The following CHST8 variants were observed in gnomAD, a reference collection of about 807,000 sequenced individuals.
The protein encoded by CHST8 is carbohydrate sulfotransferase 8.
CHST8 carries 10 observed loss-of-function variants against 15.0 expected under a neutral mutation model. The ratio of observed to expected loss-of-function variants is 0.67; its 90% CI spans 0.41 to 1.13. CHST8 has a LOEUF of 1.13. Ranked by LOEUF, CHST8 falls within the 50% of genes most tolerant of loss-of-function variation. The pLI is 0.00. For missense variants in CHST8, 634 were observed against 608.2 expected (o/e 1.04, Z -0.45); for synonymous variants, 259 against 256.6 (o/e 1.01, Z -0.09).
chr19:33,753,575 AT>A (rs1974470096), intron 3 of CHST8, among the ~76,000 whole-genome samples: 1 of 20,866 alleles, frequency 4.8e-5, no homozygotes, highest in Non-Finnish European at 9.2e-5. Flanking sequence ...ACCTCACACC[AT>A]CCCCCCTCCA....
chr19:33,755,864 A>C (rs923582564), intron 3 of CHST8, among the ~76,000 whole-genome samples: 1 of 152,230 alleles, frequency 6.6e-6, no homozygotes, highest in Admixed American at 6.5e-5. Context: ...ACATGGGAGC[A>C]CATTCCGTTT....
chr19:33,708,761 A>G (rs1165410108), intron 3 of CHST8, among the ~76,000 whole-genome samples: 1 of 152,226 alleles, frequency 6.6e-6, no homozygotes, highest in African/African-American at 2.4e-5. Flanking sequence ...TCTGCCAAAA[A>G]GAACAACACC....
At chr19:33,633,583 T>TC (rs1555709831) in intron 1 of CHST8, among the ~76,000 whole-genome samples, 2 of 150,964 alleles carry the variant, frequency 1.3e-5, no homozygotes, top group African/African-American at 2.4e-5. Flanking sequence ...TTTGTAGAGA[T>TC]GGGGGGGTCT....
chr19:33,720,256 C>T (rs1028166073), intron 3 of CHST8, among the ~76,000 whole-genome samples: 1 of 151,758 alleles, frequency 6.6e-6, no homozygotes, highest in Non-Finnish European at 1.5e-5. Context: ...ACACGCCACA[C>T]ATACACCACA....
intron 3 of CHST8, among the ~76,000 whole-genome samples, chr19:33,754,943 G>C (rs1974516387): frequency 6.6e-6 from 1 of 152,196 alleles, no homozygotes; most frequent in South Asian, 2.1e-4. Flanking sequence ...TGCCGGCTCA[G>C]GGGCACCTGT....
At chr19:33,697,299 A>C (rs929224427) in intron 3 of CHST8, among the ~76,000 whole-genome samples, 3 of 152,072 alleles carry the variant, frequency 2.0e-5, no homozygotes, top group Admixed American at 6.6e-5. Context: ...GTGTGATCTC[A>C]GGTCACTGCA....
chr19:33,675,456 G>A (rs568750549), intron 2 of CHST8, among the ~76,000 whole-genome samples: 1 of 152,366 alleles, frequency 6.6e-6, no homozygotes, highest in Non-Finnish European at 1.5e-5. Flanking sequence ...CAGTGACACT[G>A]TAGAGCCTCG....
chr19:33,726,262 C>T (rs185838524), intron 3 of CHST8, among the ~76,000 whole-genome samples: 203 of 152,282 alleles, frequency 1.3e-3, no homozygotes, highest in African/African-American at 4.8e-3. Context: ...GTATTGATGT[C>T]TTTAAAGGTG....
chr19:33,738,411 T>C lies in CHST8; in HGVS notation c.131-33002T>C, dbSNP rs1330946379. ...CAAAACACCACAAACCAGTAGGCCCTGGGCAGAGAGGTATTAATTAAGCAC... is the reference window on the plus strand; with the variant it reads ...CAAAACACCACAAACCAGTAGGCCCCGGGCAGAGAGGTATTAATTAAGCAC... On this transcript the variant is annotated intron_variant, in intron 3 of 4. Coordinates refer to ENST00000650847, the MANE Select transcript of CHST8 (RefSeq NM_001127895.2). 3.9e-5 allele frequency among the ~76,000 whole-genome samples: 6 copies of C among 152,312 alleles called. No individual in the cohort carries two copies. In the East Asian group the frequency reaches 9.6e-4, roughly 24 times the overall value.
intron 3 of CHST8, among the ~76,000 whole-genome samples, chr19:33,717,069 GT>G (rs1973677954): frequency 6.6e-6 from 1 of 152,140 alleles, no homozygotes; most frequent in Admixed American, 6.5e-5. Flanking sequence ...TCGAATGCCA[GT>G]GGGGCCTCAA....
intron 3 of CHST8, among the ~76,000 whole-genome samples, chr19:33,764,169 C>T (rs1974787758): frequency 6.6e-6 from 1 of 152,234 alleles, no homozygotes. Flanking sequence ...CAGAAAGCAC[C>T]AGCCTTTCCA....
intron 2 of CHST8, among the ~76,000 whole-genome samples, chr19:33,671,119 CG>C (rs1442270937): frequency 1.3e-5 from 2 of 151,968 alleles, no homozygotes; most frequent in East Asian, 3.9e-4. Context: ...CAACAAGCAG[CG>C]GGGGCCCAGC....
chr19:33,638,612 A>G (rs756377816), intron 1 of CHST8, among the ~76,000 whole-genome samples: 4 of 152,182 alleles, frequency 2.6e-5, no homozygotes, highest in Non-Finnish European at 5.9e-5. Flanking sequence ...TGAAAAGCCA[A>G]TTGGTGATAT....
chr19:33,769,610 G>T (rs1425866385), intron 3 of CHST8, among the ~76,000 whole-genome samples: 1 of 152,052 alleles, frequency 6.6e-6, no homozygotes, highest in Non-Finnish European at 1.5e-5. Flanking sequence ...AGAGGAGGGG[G>T]TGGCTGTCAA....
At chr19:33,742,544 T>C (rs1426791924) in intron 3 of CHST8, among the ~76,000 whole-genome samples, 1 of 152,208 alleles carries the variant, frequency 6.6e-6, no homozygotes, top group African/African-American at 2.4e-5. Flanking sequence ...CCATTCATGA[T>C]GGCTGCACCC....
At chr19:33,638,901 G>C (rs1972241237) in intron 1 of CHST8, among the ~76,000 whole-genome samples, 1 of 152,092 alleles carries the variant, frequency 6.6e-6, no homozygotes, top group East Asian at 1.9e-4. Context: ...AAGAGCTTGA[G>C]GGAGAGGATG....
At chr19:33,667,317 G>A (rs974842730) in intron 1 of CHST8, among the ~76,000 whole-genome samples, 2 of 152,164 alleles carry the variant, frequency 1.3e-5, no homozygotes, top group African/African-American at 4.8e-5. Flanking sequence ...AGCCCCAAAC[G>A]GAATTTCCTC....
At chr19:33,724,871 G>C (rs1973864468) in intron 3 of CHST8, among the ~76,000 whole-genome samples, 1 of 152,196 alleles carries the variant, frequency 6.6e-6, no homozygotes, top group Non-Finnish European at 1.5e-5. Context: ...CTGTGGCCCA[G>C]AGTGGGGGGC....
At chr19:33,724,576 T>C (rs1351357457) in intron 3 of CHST8, among the ~76,000 whole-genome samples, 1 of 152,146 alleles carries the variant, frequency 6.6e-6, no homozygotes, top group Admixed American at 6.5e-5. Context: ...CCTCACTGAG[T>C]GTGGGCGCAA....
Sources: gnomAD v4.1 joint callset for allele counts (sites outside exome capture counted in the v4.1 genomes callset) on GRCh38, gnomAD v4.1.1 for gene constraint, MANE v1.5 for transcripts, NCBI Gene and HGNC (gene_info 2026-07-23, HGNC 2026-07-21) for gene names.